The following DPYD variants were observed in gnomAD, a reference collection of about 807,000 sequenced individuals.
DPYD encodes the protein dihydropyrimidine dehydrogenase [NADP(+)].
DPYD carries 109 observed loss-of-function variants against 116.2 expected under a neutral mutation model. The ratio of observed to expected loss-of-function variants is 0.94; its 90% confidence interval spans 0.80 to 1.10. The LOEUF is 1.10. DPYD is among the 50% of genes least tolerant of loss of function. The pLI, the probability that DPYD is intolerant of heterozygous loss-of-function variation, is 0.00. For missense variants in DPYD, 1,302 were observed against 1,254.5 expected (o/e 1.04, Z -0.57); for synonymous variants, 440 against 432.0 (o/e 1.02, Z -0.23).
chr1:97,290,520 G>C (rs527311733), intron 18 of DPYD, among the ~76,000 whole-genome samples: 4 of 152,002 alleles, frequency 2.6e-5, no homozygotes, highest in Non-Finnish European at 5.9e-5. Flanking sequence ...AGAGCCCTCA[G>C]AAATAACACC....
At chr1:97,417,512 A>C (rs1353115689) in intron 14 of DPYD, among the ~76,000 whole-genome samples, 1 of 152,176 alleles carries the variant, frequency 6.6e-6, no homozygotes, top group East Asian at 1.9e-4. Context: ...TATGCTTTTT[A>C]CTGTTTAGTA....
chr1:97,464,714 A>T (rs1402054328), intron 13 of DPYD, among the ~76,000 whole-genome samples: 1 of 152,234 alleles, frequency 6.6e-6, no homozygotes, highest in Non-Finnish European at 1.5e-5. Context: ...AACTTTGCCT[A>T]GATTTCAGAG....
chr1:97,347,262 A>G (rs1669905407), intron 16 of DPYD, among the ~76,000 whole-genome samples: 1 of 151,986 alleles, frequency 6.6e-6, no homozygotes, highest in Admixed American at 6.6e-5. Flanking sequence ...GATATTTTGC[A>G]AATATCTTTG....
At chr1:97,280,733 T>C (rs1437841041) in intron 18 of DPYD, among the ~76,000 whole-genome samples, 3 of 150,174 alleles carry the variant, frequency 2.0e-5, no homozygotes, top group Non-Finnish European at 1.5e-5. Context: ...ATTAAGAGAC[T>C]GGGGAGGGGT....
intron 2 of DPYD, among the ~76,000 whole-genome samples, chr1:97,851,238 T>G (rs529859445): frequency 2.2e-5 from 2 of 88,904 alleles, no homozygotes; most frequent in Non-Finnish European, 4.5e-5. Flanking sequence ...AAATTATCAT[T>G]GTCTAATTAC....
chr1:97,222,726 T>C (rs1660857652), intron 19 of DPYD, among the ~76,000 whole-genome samples: 2 of 152,096 alleles, frequency 1.3e-5, no homozygotes, highest in Non-Finnish European at 2.9e-5. Context: ...TTTAAAAATA[T>C]CTACTTACAT....
chr1:97,663,704 T>C (rs1659395254), intron 8 of DPYD, among the ~76,000 whole-genome samples: 1 of 152,200 alleles, frequency 6.6e-6, no homozygotes, highest in Admixed American at 6.5e-5. Flanking sequence ...TAAACACATT[T>C]GCATTGCCAT....
intron 8 of DPYD, among the ~76,000 whole-genome samples, chr1:97,606,189 T>G (rs910547716): frequency 1.3e-5 from 2 of 152,082 alleles, no homozygotes; most frequent in African/African-American, 2.4e-5. Context: ...TTTAACCACT[T>G]ATTCATTAAT....
chr1:97,571,362 G>C (rs567138888), intron 11 of DPYD, among the ~76,000 whole-genome samples: 1 of 151,836 alleles, frequency 6.6e-6, no homozygotes, highest in Non-Finnish European at 1.5e-5. Context: ...GTATTACTAC[G>C]CTTTTTTTTA....
intron 14 of DPYD, among the ~76,000 whole-genome samples, chr1:97,404,887 T>C (rs748210510): frequency 2.6e-5 from 4 of 152,004 alleles, no homozygotes; most frequent in Admixed American, 1.3e-4. Flanking sequence ...TCTTTTGTGG[T>C]TGTATTTCAT....
In DPYD at chr1:97,214,756, C is replaced by T. The variant is rs1283816940; in HGVS notation, c.2442+20096G>A. ...TCTAGCTAGTCTATCTGGAGTTGTT[C>T]CACGTGGCCAGTTGGCTGTCTTGTC... is the stretch of plus-strand genomic sequence containing the variant. On this transcript the variant is annotated intron_variant, in intron 19 of 22. Transcript: ENST00000370192. Among the ~76,000 whole-genome samples the T allele has an allele frequency of 3.3e-5, 5 of 152,316 alleles. No homozygotes were observed. The East Asian group carries it at 9.7e-4, about 29-fold the overall frequency.
intron 14 of DPYD, among the ~76,000 whole-genome samples, chr1:97,400,377 C>T (rs1022515089): frequency 3.3e-5 from 5 of 152,082 alleles, no homozygotes; most frequent in Admixed American, 1.3e-4. Context: ...ATTTTTGCAT[C>T]GATGTTCATC....
At chr1:97,393,127 C>A (rs1423640989) in intron 14 of DPYD, among the ~76,000 whole-genome samples, 1 of 151,968 alleles carries the variant, frequency 6.6e-6, no homozygotes, top group Admixed American at 6.6e-5. Context: ...CTTTAGCTAA[C>A]TATTTGGAAC....
At chr1:97,831,782 G>T (rs137944585) in intron 2 of DPYD, among the ~76,000 whole-genome samples, 53 of 151,740 alleles carry the variant, frequency 3.5e-4, no homozygotes, top group African/African-American at 1.3e-3. Context: ...AGAACAGCAA[G>T]CAGAAGAACA....
chr1:97,211,516 T>C (rs566103435), intron 19 of DPYD, among the ~76,000 whole-genome samples: 1 of 152,180 alleles, frequency 6.6e-6, no homozygotes, highest in African/African-American at 2.4e-5. Context: ...TTTGATAATA[T>C]GAACCTTATG....
chr1:97,660,104 T>C (rs1363292616), intron 8 of DPYD, among the ~76,000 whole-genome samples: 1 of 152,152 alleles, frequency 6.6e-6, no homozygotes, highest in East Asian at 1.9e-4. Context: ...ATTTAACAAC[T>C]AATATGCTTG....
At chr1:97,797,280 G>A (rs915505515) in intron 3 of DPYD, 1 of 152,070 alleles carries the variant, frequency 6.6e-6, no homozygotes, top group African/African-American at 2.4e-5. Context: ...GCAGCTGACA[G>A]CTCGGCAACC....
chr1:97,880,217 G>T (rs1254958028), intron 2 of DPYD, among the ~76,000 whole-genome samples: 1 of 151,698 alleles, frequency 6.6e-6, no homozygotes, highest in African/African-American at 2.4e-5. Flanking sequence ...GAAATATCTA[G>T]GGATGAGAGG....
At chr1:97,232,615 T>C (rs1467439112) in intron 19 of DPYD, among the ~76,000 whole-genome samples, 2 of 152,182 alleles carry the variant, frequency 1.3e-5, no homozygotes, top group African/African-American at 4.8e-5. Context: ...GTTTTTCATA[T>C]TGGCCAATTT....
Sources: allele counts gnomAD v4.1 joint callset (sites outside exome capture counted in the v4.1 genomes callset), GRCh38; gene constraint gnomAD v4.1.1; transcripts MANE v1.5; gene names NCBI Gene and HGNC (gene_info 2026-07-23, HGNC 2026-07-21).